Variants in RGS6 observed in about 807,000 individuals in gnomAD.
RGS6 encodes regulator of G protein signaling 6, also known as regulator of G-protein signaling 6.
Under a neutral mutation model 78.5 loss-of-function variants are expected in RGS6, and 30 were observed. That is an observed-to-expected ratio of 0.38 (90% CI 0.29 to 0.52). RGS6 has a LOEUF of 0.52. RGS6 is among the 20% of genes least tolerant of loss of function. RGS6 has a pLI of 0.85. For missense variants in RGS6, 495 were observed against 609.7 expected (o/e 0.81, Z 1.98); for synonymous variants, 206 against 206.0 (o/e 1.00, Z 0.00).
At chr14:72,581,651 T>C in the RGS6 span, among the ~76,000 whole-genome samples, 1 of 152,244 alleles carries the variant, frequency 6.6e-6, no homozygotes, top group Non-Finnish European at 1.5e-5. Context: ...TCCCAGTGAT[T>C]CTTCTGCTCT....
chr14:72,318,809 T>TACC lies in RGS6; in HGVS notation c.85-33285_85-33284insCCA, dbSNP rs199930270. Among the ~76,000 whole-genome samples the TACC allele has an allele frequency of 9.2e-3, 1,397 of 152,228 alleles. 10 individuals carry two copies. The highest frequency in any genetic ancestry group is 0.023 in the South Asian group (113 of 4,824). On this transcript the variant is annotated intron_variant, in intron 2 of 17. Coordinates refer to ENST00000553525, the MANE Select transcript of RGS6 (RefSeq NM_001204424.2). ...CTGGACCCTACCTGCTACCATGTAG[T>TACC]AGCAAATGAAACTGAAAGGGAAATG...
chr14:72,211,921 A>G (rs906738308), intron 2 of RGS6, among the ~76,000 whole-genome samples: 6 of 152,214 alleles, frequency 3.9e-5, no homozygotes, highest in African/African-American at 9.6e-5. Flanking sequence ...GAAACTAGAC[A>G]TGGCCAGTAA....
chr14:72,285,934 T>C (rs970218153), intron 2 of RGS6, among the ~76,000 whole-genome samples: 4 of 152,240 alleles, frequency 2.6e-5, no homozygotes, highest in Non-Finnish European at 5.9e-5. Context: ...GATATGTGGT[T>C]TGTGAATATT....
intron 2 of RGS6, among the ~76,000 whole-genome samples, chr14:72,328,674 A>G (rs1161643498): frequency 1.3e-5 from 2 of 152,214 alleles, no homozygotes; most frequent in African/African-American, 4.8e-5. Flanking sequence ...GTGAGGTCCC[A>G]TTCTACGTAC....
rs1038730536 is a variant in RGS6 at position 72,565,830 on chromosome 14, A to G, written c.*3363A>G. 1 of 152,148 alleles carries G rather than the reference A, an allele frequency of 6.6e-6. No individual in the cohort carries two copies. The highest frequency in any genetic ancestry group is 1.5e-5 in the Non-Finnish European group (1 of 68,062). 9.4% of individuals were successfully genotyped at this position (152,148 alleles called of 1,614,324 possible). ...ATCCCTCCTGTTCTGCTCCATATAC[A>G]TGTGCTTCAAAAACCACCACCAGGA... On this transcript the variant is annotated 3_prime_UTR_variant, in exon 18 of 18. Transcript: ENST00000553525.
chr14:71,897,584 G>A, the RGS6 span, among the ~76,000 whole-genome samples: 4 of 151,922 alleles, frequency 2.6e-5, no homozygotes, highest in Admixed American at 6.5e-5. Flanking sequence ...GCAGTGGCAC[G>A]ACCTCAGCTC....
chr14:72,333,863 A>G (rs1053425296), intron 2 of RGS6, among the ~76,000 whole-genome samples: 1 of 152,196 alleles, frequency 6.6e-6, no homozygotes, highest in Non-Finnish European at 1.5e-5. Context: ...CTGCAAGGTA[A>G]CAGGTACACA....
chr14:72,496,895 G>A (rs750943247), intron 13 of RGS6, among the ~76,000 whole-genome samples: 5 of 152,016 alleles, frequency 3.3e-5, no homozygotes, highest in Admixed American at 6.6e-5. Context: ...ACAATAGGTC[G>A]TGGCAGTCTT....
At chr14:71,897,418 G>A in the RGS6 span, among the ~76,000 whole-genome samples, 61 of 152,204 alleles carry the variant, frequency 4.0e-4, no homozygotes, top group Non-Finnish European at 2.1e-4. Flanking sequence ...GCCAAGTGCT[G>A]TGGAGGGCTA....
chr14:72,475,830 G>GCACACACACACACACACACACACACACA (rs1555424335), intron 10 of RGS6, among the ~76,000 whole-genome samples: 1 of 145,606 alleles, frequency 6.9e-6, no homozygotes, highest in Non-Finnish European at 1.5e-5. Flanking sequence ...AAAAATACAC[G>GCACACACACACACACACACACACACACA]CACACACACA....
At position 71,944,822 on chromosome 14, in the gene RGS6, C is replaced by G. The variant is rs189607280; in HGVS notation, c.-21+11881C>G. ...GTGATTTTGTTGTTGTGTGAACACC[C>G]TAGAGTGTACTTACACAACCTAGAT... On this transcript the variant is annotated intron_variant, in intron 1 of 17. Transcript: ENST00000553525. Among the ~76,000 whole-genome samples the G allele has an allele frequency of 2.9e-3, 444 of 152,186 alleles. 2 individuals carry two copies. The highest frequency in any genetic ancestry group is 6.8e-3 in the Middle Eastern group (2 of 294).
intron 3 of RGS6, among the ~76,000 whole-genome samples, chr14:72,437,264 C>T (rs1398332616): frequency 1.3e-5 from 2 of 149,252 alleles, no homozygotes; most frequent in Non-Finnish European, 3.0e-5. Context: ...TCGCTTGAAC[C>T]CAGGAGGCGG....
chr14:72,114,311 G>A (rs2153556101), intron 2 of RGS6, among the ~76,000 whole-genome samples: 1 of 152,258 alleles, frequency 6.6e-6, no homozygotes, highest in East Asian at 1.9e-4. Flanking sequence ...TATAGATCCA[G>A]TCTCTCCCCT....
At chr14:72,161,747 A>G (rs1203405549) in intron 2 of RGS6, among the ~76,000 whole-genome samples, 5 of 152,250 alleles carry the variant, frequency 3.3e-5, no homozygotes, top group African/African-American at 9.6e-5. Flanking sequence ...TTTCATGTCA[A>G]TTCTGTTTAC....
chr14:72,471,058 C>A (rs1343724607), intron 8 of RGS6, among the ~76,000 whole-genome samples: 1 of 152,118 alleles, frequency 6.6e-6, no homozygotes, highest in Non-Finnish European at 1.5e-5. Flanking sequence ...ATGCAGAGAG[C>A]AGCTATCCTG....
At chr14:72,131,121 C>T (rs986430898) in intron 2 of RGS6, among the ~76,000 whole-genome samples, 2 of 152,204 alleles carry the variant, frequency 1.3e-5, no homozygotes, top group African/African-American at 2.4e-5. Flanking sequence ...TTTCATCTTT[C>T]GCTCACGGAC....
chr14:72,441,967 A>C (rs1049513443), intron 3 of RGS6, among the ~76,000 whole-genome samples: 2 of 152,210 alleles, frequency 1.3e-5, no homozygotes, highest in African/African-American at 4.8e-5. Context: ...AGGTGCACTC[A>C]TAGCGATGCT....
intron 2 of RGS6, among the ~76,000 whole-genome samples, chr14:72,227,603 T>TCACAAGCAA (rs2048425093): frequency 6.6e-6 from 1 of 152,352 alleles, no homozygotes; most frequent in South Asian, 2.1e-4. Context: ...TCGTAAGTTG[T>TCACAAGCAA]AATTTGGCCT....
intron 2 of RGS6, among the ~76,000 whole-genome samples, chr14:72,128,804 C>T (rs960964467): frequency 1.3e-5 from 2 of 152,178 alleles, no homozygotes; most frequent in African/African-American, 2.4e-5. Flanking sequence ...GATCCCACAA[C>T]GTATGCGTGT....
Sources: gnomAD v4.1 joint callset for allele counts (sites outside exome capture counted in the v4.1 genomes callset) on GRCh38, gnomAD v4.1.1 for gene constraint, MANE v1.5 for transcripts, NCBI Gene and HGNC (gene_info 2026-07-23, HGNC 2026-07-21) for gene names.